Variants in CTNND1 observed in about 807,000 individuals in gnomAD.
The protein encoded by CTNND1 is catenin delta 1.
A neutral mutation model predicts 112.1 loss-of-function variants in CTNND1; 16 were observed. The ratio of observed to expected loss-of-function variants is 0.14; its 90% CI spans 0.10 to 0.22. CTNND1 has a LOEUF of 0.22. Among genes scored for constraint, CTNND1 ranks in the 10% least tolerant of loss-of-function variants. The pLI is 1.00. For synonymous variants in CTNND1, 420 were observed against 446.5 expected, an observed-to-expected ratio of 0.94 and a Z score of 0.75; for missense variants, 1,008 against 1,257.0, an observed-to-expected ratio of 0.80 and a Z score of 3.00.
At chr11:57,802,770 C>T (rs1428658444) in intron 7 of CTNND1, among the ~76,000 whole-genome samples, 1 of 152,152 alleles carries the variant, frequency 6.6e-6, no homozygotes, top group African/African-American at 2.4e-5. Context: ...GTGAATAAAA[C>T]AAAATTTTGT....
chr11:57,811,854 CTTGT>C (rs1446736651), intron 17 of CTNND1, among the ~76,000 whole-genome samples: 1 of 152,086 alleles, frequency 6.6e-6, no homozygotes, highest in African/African-American at 2.4e-5. Flanking sequence ...CAAAAAATCA[CTTGT>C]TTCTTTTATC....
chr11:57,789,559 A>C (rs1011834794), intron 2 of CTNND1, among the ~76,000 whole-genome samples: 5 of 152,230 alleles, frequency 3.3e-5, no homozygotes, highest in Admixed American at 2.6e-4. Flanking sequence ...GTAAAAAGAT[A>C]GTCTATTTAA....
chr11:57,800,429 A>G lies in CTNND1; in HGVS notation c.957-1304A>G, dbSNP rs1436194829. Among the ~76,000 whole-genome samples, 3 of 151,850 alleles carry G rather than the reference A, an allele frequency of 2.0e-5. 1 individual carries two copies. Among genetic ancestry groups the G allele is most frequent in the Admixed American group, 2.0e-4 (3 of 15,212 alleles). ...ATTACAGGTGCCCACCACCATGCCC[A>G]GCTAATTTTTGTATTTTTAGTAGAG... On this transcript the variant is annotated intron_variant, in intron 6 of 20. Coordinates refer to ENST00000399050, the MANE Select transcript of CTNND1 (RefSeq NM_001085458.2).
chr11:57,796,469 G>A lies in CTNND1; in HGVS notation c.433G>A (p.Val145Met), dbSNP rs745643597. 1.2e-6 allele frequency: 2 copies of A among 1,600,520 alleles called. No individual in the cohort carries two copies. The highest frequency in any genetic ancestry group is 1.1e-5 in the South Asian group (1 of 90,410). ...TTCCTACTTGCAGGTCAAGAAAGTA[G>A]TGAAGACTGTGACAACACGGACAGT... ...RRTETTVKKV[V>M]KTVTTRTVQP... The change falls in exon 6 of 21, where the codon GTG becomes ATG. Residue 145 changes from valine to methionine, a missense_variant. Physicochemically the swap from Val to Met is conservative, Grantham distance 21 (BLOSUM62 1). This residue lies in a region of CTNND1 where 404 missense variants were observed against 457.9 expected (regional missense o/e 0.88). Coordinates refer to ENST00000399050, the MANE Select transcript of CTNND1 (RefSeq NM_001085458.2).
chr11:57,801,180 A>G (rs1428564230), intron 6 of CTNND1, among the ~76,000 whole-genome samples: 1 of 152,222 alleles, frequency 6.6e-6, no homozygotes, highest in Non-Finnish European at 1.5e-5. Flanking sequence ...TTTCTCTATC[A>G]ATCCATCTTT....
chr11:57,773,750 A>G (rs1953411296), intron 1 of CTNND1, among the ~76,000 whole-genome samples: 1 of 151,606 alleles, frequency 6.6e-6, no homozygotes, highest in African/African-American at 2.4e-5. Flanking sequence ...CAGCCTGGCC[A>G]ACATAGCAAA....
chr11:57,798,026 G>A (rs1163737674), intron 6 of CTNND1, among the ~76,000 whole-genome samples: 2 of 151,566 alleles, frequency 1.3e-5, no homozygotes, highest in African/African-American at 4.9e-5. Flanking sequence ...CTTCTTCCTG[G>A]GAATTTCTTT....
intron 1 of CTNND1, among the ~76,000 whole-genome samples, chr11:57,781,861 C>T (rs1302829063): frequency 6.6e-6 from 1 of 152,130 alleles, no homozygotes; most frequent in Non-Finnish European, 1.5e-5. Context: ...CCTGGGCCCC[C>T]TCACTAGCTG....
chr11:57,803,503 A>G (rs2062270532), intron 7 of CTNND1, 118 bp from the exon 8 acceptor site: 3 of 659,278 alleles, frequency 4.6e-6, no homozygotes, highest in Non-Finnish European at 7.4e-6. Context: ...ATATTACTAT[A>G]AGGTATTTGG....
At chr11:57,784,029 C>T (rs1317301818) in intron 1 of CTNND1, among the ~76,000 whole-genome samples, 2 of 151,900 alleles carry the variant, frequency 1.3e-5, no homozygotes, top group African/African-American at 2.4e-5. Context: ...AAGCAATTCT[C>T]CCACCTCAGC....
Position 57,802,159 on chromosome 11 carries a change from A to C in CTNND1, c.1383A>C (p.Arg461=). 1 of 1,613,822 alleles carries C rather than the reference A, an allele frequency of 6.2e-7. No homozygotes were observed. The highest frequency in any genetic ancestry group is 1.1e-5 in the South Asian group (1 of 91,052). The stretch of plus-strand genomic sequence containing the variant: ...TGCCTGCCCTTGTGCGATTGCTTCG[A>C]AAGGCTCGTGATATGGACCTTACTG... ...DGVPALVRLL[R]KARDMDLTEV... is the part of the protein sequence containing the mutation. Residue 461 remains arginine, a synonymous_variant, in exon 7 of 21, where the codon CGA becomes CGC. Coordinates refer to ENST00000399050, the MANE Select transcript of CTNND1 (RefSeq NM_001085458.2).
At chr11:57,808,120 T>G in intron 12 of CTNND1, 45 bp from the exon 13 acceptor site, 1 of 1,573,934 alleles carries the variant, frequency 6.4e-7, no homozygotes, top group South Asian at 1.1e-5. Context: ...GCCTGGTTTA[T>G]TGGTACTGAT....
At position 57,805,744 on chromosome 11, in the gene CTNND1, A is replaced by C. The variant is rs2062592843; in HGVS notation, c.1723-138A>C. 4.1e-6 allele frequency: 4 copies of C among 967,800 alleles called. No homozygotes were observed. In the Admixed American group the frequency reaches 8.1e-5, roughly 20 times the overall value. 60.0% of individuals were successfully genotyped at this position (967,800 alleles called of 1,614,324 possible). On this transcript the variant is annotated intron_variant, in intron 9 of 20. Coordinates refer to ENST00000399050, the MANE Select transcript of CTNND1 (RefSeq NM_001085458.2). Reference sequence around the variant, plus strand: ...GATTTCAAGAAGCCTGGAGCACTTAAGAGGCATCCTGAGAAGTTATGGATT... The same window carrying C: ...GATTTCAAGAAGCCTGGAGCACTTACGAGGCATCCTGAGAAGTTATGGATT...
chr11:57,761,895 GGAGA>G lies in CTNND1; in HGVS notation c.-429_-426del, dbSNP rs1022176649. 13 of 985,100 alleles carry G rather than the reference GGAGA, an allele frequency of 1.3e-5. No individual in the cohort carries two copies. The highest frequency in any genetic ancestry group is 4.7e-5 in the South Asian group (1 of 21,266). 61.0% of individuals were successfully genotyped at this position (985,100 alleles called of 1,614,324 possible). ...TCTGAGGGGGAAAAAAAAGAGAGAG[GGAGA>G]GAGAGAGAAAGAAGAGCAGGAAAGA... is the stretch of plus-strand genomic sequence containing the variant. On this transcript the variant is annotated 5_prime_UTR_variant, in exon 1 of 21. Coordinates refer to ENST00000399050, the MANE Select transcript of CTNND1 (RefSeq NM_001085458.2).
chr11:57,809,512 G>T (rs746220664), intron 15 of CTNND1, 46 bp downstream of exon 15: 20 of 1,527,404 alleles, frequency 1.3e-5, no homozygotes, highest in Non-Finnish European at 1.7e-5. Flanking sequence ...TTGAGTGAGT[G>T]GAGAGTTGTT....
chr11:57,802,233 G>T, intron 7 of CTNND1, 37 bp downstream of exon 7: 1 of 1,533,986 alleles, frequency 6.5e-7, no homozygotes, highest in Non-Finnish European at 8.9e-7. Context: ...CTAAGTCAGT[G>T]TTACTCTCTA....
intron 8 of CTNND1, 87 bp from the exon 9 acceptor site, chr11:57,804,576 A>G: frequency 1.0e-6 from 1 of 978,552 alleles, no homozygotes. Context: ...GTAGAAAAAC[A>G]TATTCAGGAA....
intron 9 of CTNND1, among the ~76,000 whole-genome samples, chr11:57,805,553 T>C (rs535226648): frequency 2.0e-5 from 3 of 152,106 alleles, no homozygotes; most frequent in African/African-American, 7.2e-5. Flanking sequence ...TTTTTTTCTT[T>C]TTTTTTTAAA....
At chr11:57,796,287 G>A (rs947068269) in intron 5 of CTNND1, among the ~76,000 whole-genome samples, 170 bp from the exon 6 acceptor site, 1 of 151,892 alleles carries the variant, frequency 6.6e-6, no homozygotes, top group African/African-American at 2.4e-5. Flanking sequence ...TCGGGAGGCT[G>A]AGGCAGGAGA....
Sources: gnomAD v4.1 joint callset for allele counts (sites outside exome capture counted in the v4.1 genomes callset) on GRCh38, gnomAD v4.1.1 for gene constraint, gnomAD v4.1.1 regional missense constraint, MANE v1.5 for transcripts, NCBI Gene and HGNC (gene_info 2026-07-23, HGNC 2026-07-21) for gene names.